The following ABCB10 variants were observed in gnomAD, a reference collection of about 807,000 sequenced individuals.
ABCB10 encodes the protein ATP-binding cassette sub-family B member 10, mitochondrial.
ABCB10 carries 54 observed loss-of-function variants against 65.4 expected under a neutral mutation model. The ratio of observed to expected loss-of-function variants is 0.83; its 90% CI spans 0.66 to 1.04. The LOEUF is 1.04. Ranked by LOEUF, ABCB10 falls within the 50% of genes least tolerant of loss-of-function variation. ABCB10 has a pLI of 0.00. For synonymous variants in ABCB10, 418 were observed against 406.5 expected (o/e 1.03, Z -0.34); for missense variants, 846 against 976.6 (o/e 0.87, Z 1.78).
chr1:229,523,732 G>C (rs1156643140), intron 10 of ABCB10, among the ~76,000 whole-genome samples: 1 of 152,170 alleles, frequency 6.6e-6, no homozygotes, highest in Non-Finnish European at 1.5e-5. Flanking sequence ...GCTGAGAAAC[G>C]GAACTGGAGG....
chr1:229,543,850 G>A (rs1159469331), intron 3 of ABCB10, among the ~76,000 whole-genome samples: 1 of 152,144 alleles, frequency 6.6e-6, no homozygotes, highest in Non-Finnish European at 1.5e-5. Flanking sequence ...GACACCTGGG[G>A]TGAGTCTTGG....
In ABCB10 at chr1:229,558,182, G is replaced by T; in HGVS notation, c.471C>A (p.Ala157=). The part of the protein sequence containing the change: ...LRPAAAGLPE[A]RKLLGLAYPE... Reference sequence around the variant, plus strand: ...GGTACGCCAGCCCCAGGAGCTTCCGGGCCTCCGGGAGTCCGGCCGCTGCGG... The same window carrying T: ...GGTACGCCAGCCCCAGGAGCTTCCGTGCCTCCGGGAGTCCGGCCGCTGCGG... The change falls in exon 1 of 13, where the codon GCC becomes GCA. Residue 157 remains alanine, a synonymous_variant. Transcript: ENST00000344517. 1 of 1,432,898 alleles carries T rather than the reference G, an allele frequency of 7.0e-7. No individual in the cohort carries two copies. The highest frequency in any genetic ancestry group is 9.1e-7 in the Non-Finnish European group (1 of 1,096,078). 88.8% of individuals were successfully genotyped at this position (1,432,898 alleles called of 1,614,324 possible).
chr1:229,531,512 T>C (rs1662583105), intron 7 of ABCB10, 124 bp downstream of exon 7: 4 of 937,654 alleles, frequency 4.3e-6, no homozygotes, highest in Admixed American at 2.3e-5. Context: ...CGGCCCGCCA[T>C]GCAGCAGGAG....
intron 8 of ABCB10, 103 bp downstream of exon 8, chr1:229,530,096 T>C: frequency 1.7e-6 from 2 of 1,172,992 alleles, no homozygotes; most frequent in African/African-American, 1.5e-5. Flanking sequence ...GAAGGTACTC[T>C]ACAAAATAAG....
chr1:229,547,496 T>C lies in ABCB10; in HGVS notation c.921+3A>G. 6.2e-7 allele frequency: 1 copy of C among 1,612,254 alleles called. No homozygotes were observed. Among genetic ancestry groups the C allele is most frequent in the Non-Finnish European group, 8.5e-7 (1 of 1,179,818 alleles). On this transcript the variant is annotated splice_donor_region_variant and intron_variant, in intron 3 of 12. Transcript: ENST00000344517. Reference sequence around the variant, plus strand: ...GGTACCAAGGGGAACCAGGCCCACATACCATCATACTGATGCCTACGGAAG... The same window carrying C: ...GGTACCAAGGGGAACCAGGCCCACACACCATCATACTGATGCCTACGGAAG...
intron 3 of ABCB10, among the ~76,000 whole-genome samples, chr1:229,544,939 T>G (rs749881852): frequency 7.2e-5 from 11 of 152,206 alleles, no homozygotes; most frequent in Non-Finnish European, 1.5e-4. Context: ...CCTCCAGAAT[T>G]GTGAGAAATA....
chr1:229,518,902 T>C lies in ABCB10; in HGVS notation c.1951-27A>G, dbSNP rs376836585. Reference sequence around the variant, plus strand: ...TGAAGAAGGAAAAAAAAGGAAAAGATAAAATAATTTTATTGGAAAAATACA... The same window carrying C: ...TGAAGAAGGAAAAAAAAGGAAAAGACAAAATAATTTTATTGGAAAAATACA... On this transcript the variant is annotated intron_variant, in intron 11 of 12. Transcript: ENST00000344517. The C allele has an allele frequency of 5.7e-4, 872 of 1,542,894 alleles. 6 individuals carry two copies. The African/African-American group carries it at 0.011, about 20-fold the overall frequency.
rs1448040909 is a variant in ABCB10, at chr1:229,518,048, A to G, written c.*131T>C. The G allele has an allele frequency of 4.4e-6, 3 of 675,246 alleles. No individual in the cohort carries two copies. Among genetic ancestry groups the G allele is most frequent in the African/African-American group, 1.8e-5 (1 of 55,078 alleles). The allele number at this position is 675,246 out of a possible 1,614,324, so 41.8% of individuals were successfully genotyped here. A position where few individuals can be genotyped will look rare whatever the true frequency, so the allele number is the denominator to read the frequency against. On this transcript the variant is annotated 3_prime_UTR_variant, in exon 13 of 13. Transcript: ENST00000344517. ...GGTACGTTTCAAAACAATCTTTTAC[A>G]CACTTTGGAAAAAAATAGGTATTTT...
intron 7 of ABCB10, among the ~76,000 whole-genome samples, chr1:229,531,192 C>A (rs1240585379): frequency 2.0e-5 from 3 of 152,182 alleles, no homozygotes; most frequent in Admixed American, 2.0e-4. Context: ...GCCTCCCCTA[C>A]CCCACACCAA....
At chr1:229,554,485 C>T (rs35464914) in intron 1 of ABCB10, among the ~76,000 whole-genome samples, 28,541 of 152,056 alleles carry the variant, frequency 0.19, 2,891 homozygotes, top group Middle Eastern at 0.28. Context: ...AACAGACATA[C>T]GATGGGAGCC....
chr1:229,556,733 CACTT>C (rs1168033328), intron 1 of ABCB10, among the ~76,000 whole-genome samples: 2 of 152,116 alleles, frequency 1.3e-5, no homozygotes, highest in Admixed American at 1.3e-4. Context: ...GATTTCCTTA[CACTT>C]ACTTTGAGTC....
intron 1 of ABCB10, among the ~76,000 whole-genome samples, chr1:229,554,538 G>C (rs988334614): frequency 5.3e-5 from 8 of 152,004 alleles, no homozygotes; most frequent in Admixed American, 3.9e-4. Flanking sequence ...ATTATAAAAA[G>C]GAATACGTAA....
chr1:229,542,869 G>C (rs146947210), intron 3 of ABCB10, among the ~76,000 whole-genome samples: 1 of 152,000 alleles, frequency 6.6e-6, no homozygotes, highest in Non-Finnish European at 1.5e-5. Flanking sequence ...GGTGGCTCAC[G>C]CCTGTAATCT....
intron 11 of ABCB10, among the ~76,000 whole-genome samples, chr1:229,519,513 C>T (rs1338444316): frequency 1.3e-5 from 2 of 152,198 alleles, no homozygotes; most frequent in Non-Finnish European, 2.9e-5. Context: ...GATGGCCGGA[C>T]GTGGTGGCTC....
At chr1:229,545,215 T>C (rs961249170) in intron 3 of ABCB10, among the ~76,000 whole-genome samples, 6 of 152,192 alleles carry the variant, frequency 3.9e-5, no homozygotes, top group Non-Finnish European at 5.9e-5. Flanking sequence ...CCCAAAACTA[T>C]TCATATTTGG....
intron 11 of ABCB10, chr1:229,519,180 T>A (rs1662245265): frequency 8.9e-6 from 2 of 225,902 alleles, no homozygotes; most frequent in Admixed American, 1.1e-4. Context: ...GATGAAAATG[T>A]TTTCTAAAAT....
At chr1:229,520,684 A>C (rs980413488) in intron 11 of ABCB10, among the ~76,000 whole-genome samples, 1 of 152,210 alleles carries the variant, frequency 6.6e-6, no homozygotes, top group Non-Finnish European at 1.5e-5. Context: ...ACAGATCAAC[A>C]AATAGGGATC....
intron 10 of ABCB10, among the ~76,000 whole-genome samples, chr1:229,522,539 AC>A (rs1317205808): frequency 6.6e-6 from 1 of 152,224 alleles, no homozygotes; most frequent in Non-Finnish European, 1.5e-5. Flanking sequence ...TATGAGACAG[AC>A]CCTATAATTA....
chr1:229,521,970 G>A (rs1662326545), intron 10 of ABCB10, among the ~76,000 whole-genome samples: 1 of 151,772 alleles, frequency 6.6e-6, no homozygotes, highest in Non-Finnish European at 1.5e-5. Context: ...GGGCTCAAGT[G>A]ATCCTCCCAC....
Sources: allele counts gnomAD v4.1 joint callset (sites outside exome capture counted in the v4.1 genomes callset), GRCh38; gene constraint gnomAD v4.1.1; transcripts MANE v1.5; gene names NCBI Gene and HGNC (gene_info 2026-07-23, HGNC 2026-07-21).